KCNT2: variants seen among roughly 807,000 people sequenced by gnomAD.
The protein encoded by KCNT2 is potassium channel subfamily T member 2.
In KCNT2, 67 loss-of-function variants were observed where a neutral mutation model predicts 153.8. The observed-to-expected ratio is 0.44, with a 90% confidence interval of 0.36 to 0.53. The LOEUF (loss-of-function observed/expected upper bound fraction) is 0.53. Ranked by LOEUF, KCNT2 falls within the 20% of genes least tolerant of loss-of-function variation. KCNT2 has a pLI of 0.00. For missense variants in KCNT2, 975 were observed against 1,354.8 expected, an observed-to-expected ratio of 0.72 and a Z score of 4.40; for synonymous variants, 500 against 458.8, an observed-to-expected ratio of 1.09 and a Z score of -1.15.
intron 1 of KCNT2, among the ~76,000 whole-genome samples, chr1:196,591,333 G>A (rs1663340089): frequency 6.6e-6 from 1 of 151,940 alleles, no homozygotes; most frequent in Non-Finnish European, 1.5e-5. Context: ...AAGGATGCTG[G>A]TACCATGCTT....
intron 14 of KCNT2, among the ~76,000 whole-genome samples, 176 bp downstream of exon 14, chr1:196,372,964 C>T (rs979063547): frequency 2.0e-5 from 3 of 151,812 alleles, no homozygotes; most frequent in African/African-American, 7.2e-5. Flanking sequence ...TTTTGTATGT[C>T]TTGGATTCTT....
intron 12 of KCNT2, among the ~76,000 whole-genome samples, chr1:196,420,765 G>A (rs568753753): frequency 7.9e-4 from 120 of 152,066 alleles, no homozygotes; most frequent in Non-Finnish European, 1.4e-3. Flanking sequence ...ATCATATCAC[G>A]TTCAGTGATA....
intron 1 of KCNT2, among the ~76,000 whole-genome samples, chr1:196,565,594 T>TAC (rs749886524): frequency 9.1e-6 from 1 of 109,882 alleles, no homozygotes; most frequent in Non-Finnish European, 1.6e-5. Flanking sequence ...TCATTATACA[T>TAC]ATATATATAT....
At chr1:196,550,065 C>A (rs1657688123) in intron 1 of KCNT2, among the ~76,000 whole-genome samples, 1 of 151,896 alleles carries the variant, frequency 6.6e-6, no homozygotes, top group East Asian at 1.9e-4. Context: ...GTTTACCAAA[C>A]TTCTGATACA....
Position 196,315,983 on chromosome 1 carries a change from T to C in KCNT2, c.2392A>G (p.Met798Val), listed in dbSNP as rs528720609. The C allele has an allele frequency of 1.2e-6, 2 of 1,610,792 alleles. No homozygotes were observed. Among genetic ancestry groups the C allele is most frequent in the African/African-American group, 1.3e-5 (1 of 74,766 alleles). ...GTGCTCTCTTTATCCACAACCACCATATTAGCAGCAAAAGTCACTCCACAC... is the reference window on the plus strand; with the variant it reads ...GTGCTCTCTTTATCCACAACCACCACATTAGCAGCAAAAGTCACTCCACAC... ...LRCGVTFAAN[M>V]VVVDKESTMS... Residue 798 changes from methionine (M) to valine (V), a missense_variant, in exon 21 of 28, where the codon ATG becomes GTG. Around this residue, in one of 6 missense-constraint regions of KCNT2, gnomAD observed 66 missense variants for 147.9 expected, o/e 0.45. Transcript: ENST00000294725.
chr1:196,394,465 T>C (rs1194065305), intron 13 of KCNT2, among the ~76,000 whole-genome samples: 1 of 151,560 alleles, frequency 6.6e-6, no homozygotes, highest in Non-Finnish European at 1.5e-5. Flanking sequence ...GATTGAGTTC[T>C]ATACAGATGG....
chr1:196,520,779 C>T (rs758457876), intron 1 of KCNT2, among the ~76,000 whole-genome samples: 2 of 152,122 alleles, frequency 1.3e-5, no homozygotes, highest in Non-Finnish European at 2.9e-5. Flanking sequence ...ATTTCTTACA[C>T]CATATGCAAA....
At chr1:196,280,835 CA>C in intron 25 of KCNT2, 24 bp downstream of exon 25, 1 of 1,601,650 alleles carries the variant, frequency 6.2e-7, no homozygotes, top group Non-Finnish European at 8.5e-7. Context: ...AACATCAAAA[CA>C]AGAATATTTT....
chr1:196,448,477 T>C (rs187334860), intron 8 of KCNT2, among the ~76,000 whole-genome samples: 2 of 151,770 alleles, frequency 1.3e-5, no homozygotes, highest in East Asian at 3.9e-4. Context: ...TGTTTTTCTC[T>C]AACTATGTAT....
chr1:196,279,271 A>G (rs2147861777), intron 25 of KCNT2, among the ~76,000 whole-genome samples: 1 of 152,244 alleles, frequency 6.6e-6, no homozygotes, highest in South Asian at 2.1e-4. Context: ...CAAACATCTT[A>G]CATATTTAAC....
At chr1:196,420,906 C>A (rs1389235314) in intron 12 of KCNT2, among the ~76,000 whole-genome samples, 1 of 151,968 alleles carries the variant, frequency 6.6e-6, no homozygotes, top group Admixed American at 6.6e-5. Context: ...AGGAAAGTAA[C>A]CAGCAATGGA....
At chr1:196,469,126 G>A (rs1224766733) in intron 5 of KCNT2, 58 bp from the exon 6 acceptor site, 2 of 949,864 alleles carry the variant, frequency 2.1e-6, no homozygotes, top group Non-Finnish European at 3.3e-6. Flanking sequence ...TATTAAAGGG[G>A]GAAAAAGACA....
At chr1:196,482,507 T>C (rs1572601792) in intron 3 of KCNT2, 128 bp from the exon 4 acceptor site, 2 of 499,120 alleles carry the variant, frequency 4.0e-6, no homozygotes, top group Non-Finnish European at 7.0e-6. Flanking sequence ...AATCAACATT[T>C]GAAAAAACGT....
chr1:196,529,647 C>A (rs1255596780), intron 1 of KCNT2, among the ~76,000 whole-genome samples: 2 of 152,052 alleles, frequency 1.3e-5, no homozygotes, highest in Non-Finnish European at 2.9e-5. Context: ...ATTCTAATTT[C>A]TTTAATGGTA....
At chr1:196,483,951 C>A (rs1190559858) in intron 3 of KCNT2, among the ~76,000 whole-genome samples, 2 of 152,098 alleles carry the variant, frequency 1.3e-5, no homozygotes, top group Non-Finnish European at 2.9e-5. Context: ...TTATCACTGT[C>A]TTTTCTAAAG....
chr1:196,588,421 CAA>C (rs892784109), intron 1 of KCNT2, among the ~76,000 whole-genome samples: 7 of 152,162 alleles, frequency 4.6e-5, no homozygotes, highest in African/African-American at 7.2e-5. Context: ...AAGGCAATGT[CAA>C]AGTGTGATTT....
At chr1:196,499,581 A>G (rs1270959239) in intron 1 of KCNT2, among the ~76,000 whole-genome samples, 2 of 152,226 alleles carry the variant, frequency 1.3e-5, no homozygotes, top group African/African-American at 2.4e-5. Context: ...AGATAAAATC[A>G]TCTTACTTTT....
rs765720473 is a variant in KCNT2 at position 196,429,611 on chromosome 1, A to G, written c.785T>C (p.Met262Thr). 2 of 1,612,688 alleles carry G rather than the reference A, an allele frequency of 1.2e-6. No individual in the cohort carries two copies. The highest frequency in any genetic ancestry group is 1.3e-5 in the African/African-American group (1 of 74,966). ...TAGAACCACAAGAGCAACACAAATC[A>G]TAGCAACTACAAAAAGCTTGGAGGA... is the stretch of plus-strand genomic sequence containing the variant. ...TWSSKLFVVAMICVALVVLPI... is the reference protein window; with the variant it reads ...TWSSKLFVVATICVALVVLPI... The change falls in exon 9 of 28, where the codon ATG becomes ACG. Residue 262 changes from methionine (M) to threonine (T), a missense_variant. By Grantham distance (81) the Met-to-Thr change is moderately conservative. Around this residue, in one of 6 missense-constraint regions of KCNT2, gnomAD observed 202 missense variants for 314.9 expected, o/e 0.64. Coordinates refer to ENST00000294725, the MANE Select transcript of KCNT2 (RefSeq NM_198503.5).
intron 1 of KCNT2, among the ~76,000 whole-genome samples, chr1:196,594,166 T>C (rs1663766659): frequency 6.6e-6 from 1 of 152,144 alleles, no homozygotes; most frequent in African/African-American, 2.4e-5. Flanking sequence ...AGCAGTTCCC[T>C]GTGTAAATTT....
Sources: allele counts gnomAD v4.1 joint callset (sites outside exome capture counted in the v4.1 genomes callset), GRCh38; gene constraint gnomAD v4.1.1; regional missense constraint gnomAD v4.1.1; transcripts MANE v1.5; gene names NCBI Gene and HGNC (gene_info 2026-07-23, HGNC 2026-07-21).